The following CYP4X1 variants were observed in gnomAD, a reference collection of about 807,000 sequenced individuals.
CYP4X1 encodes cytochrome P450 family 4 subfamily X member 1, also known as cytochrome P450 4X1.
In CYP4X1, 44 loss-of-function variants were observed where a neutral mutation model predicts 57.9. The ratio of observed to expected loss-of-function variants is 0.76; its 90% CI spans 0.60 to 0.98. The LOEUF is 0.98. CYP4X1 is among the 50% of genes least tolerant of loss of function. CYP4X1 has a pLI of 0.00. For synonymous variants in CYP4X1, 227 were observed against 228.6 expected (o/e 0.99, Z 0.06); for missense variants, 532 against 623.9 (o/e 0.85, Z 1.57).
At chr1:47,049,770 T>C (rs531688107) in intron 11 of CYP4X1, among the ~76,000 whole-genome samples, 2 of 152,302 alleles carry the variant, frequency 1.3e-5, no homozygotes, top group Non-Finnish European at 2.9e-5. Context: ...AGAAATAATT[T>C]CATGAGTAAC....
intron 9 of CYP4X1, among the ~76,000 whole-genome samples, chr1:47,047,608 C>T (rs1297575767): frequency 2.6e-5 from 4 of 151,054 alleles, no homozygotes; most frequent in African/African-American, 4.9e-5. Context: ...TGTGTGTGTG[C>T]GTTTTCCTCT....
chr1:47,046,695 G>C, intron 9 of CYP4X1, 95 bp downstream of exon 9: 1 of 1,560,862 alleles, frequency 6.4e-7, no homozygotes, highest in Non-Finnish European at 8.7e-7. Context: ...ACTTGGAGAA[G>C]TCAAAAGATA....
the CYP4X1 span, among the ~76,000 whole-genome samples, chr1:46,992,758 T>C: frequency 1.3e-5 from 2 of 152,360 alleles, 1 homozygote; most frequent in South Asian, 4.1e-4. Flanking sequence ...CTTTTGGTTA[T>C]ATAGCCAGGT....
In CYP4X1 at chr1:47,049,503, A is replaced by T. The variant is rs767359529; in HGVS notation, c.1354A>T (p.Arg452Trp). Reference sequence around the variant, plus strand: ...CTACTTACCATTCTCAGCTGGATCAAGGTGAGAACAATTTGAAGTTGCTGA... The same window carrying T: ...CTACTTACCATTCTCAGCTGGATCATGGTGAGAACAATTTGAAGTTGCTGA... ...YAYLPFSAGS[R>W]NCIGQEFAMI... The change falls in exon 11 of 12, where the codon AGG becomes TGG. Residue 452 changes from arginine (R) to tryptophan (W), a missense_variant and splice_region_variant. Arg to Trp is a moderately radical substitution (Grantham distance 101). Coordinates refer to ENST00000371901, the MANE Select transcript of CYP4X1 (RefSeq NM_178033.2). 4.3e-6 allele frequency: 7 copies of T among 1,613,762 alleles called. No homozygotes were observed. Among genetic ancestry groups the T allele is most frequent in the Non-Finnish European group, 4.2e-6 (5 of 1,179,802 alleles).
Position 47,048,569 on chromosome 1 carries a change from C to T in CYP4X1, c.1212C>T (p.Ile404=), listed in dbSNP as rs745891826. ...TTTATTTCCCTCCTTTCTTAGGGAT[C>T]ACCGTGGTTCTTAGTATTTGGGGTC... ...FPDGCTLPAG[I]TVVLSIWGLH... The change falls in exon 10 of 12, where the codon ATC becomes ATT. Residue 404 remains isoleucine, a synonymous_variant. Coordinates refer to ENST00000371901, the MANE Select transcript of CYP4X1 (RefSeq NM_178033.2). The T allele has an allele frequency of 3.1e-6, 5 of 1,614,148 alleles. No individual in the cohort carries two copies. The Admixed American group carries it at 8.3e-5, about 27-fold the overall frequency.
chr1:47,031,857 CAT>C (rs1393280431), intron 3 of CYP4X1, among the ~76,000 whole-genome samples: 1 of 152,128 alleles, frequency 6.6e-6, no homozygotes, highest in Non-Finnish European at 1.5e-5. Context: ...GCTGGGCCAA[CAT>C]GGTGAAATCC....
intron 1 of CYP4X1, among the ~76,000 whole-genome samples, chr1:47,026,163 C>G (rs557946853): frequency 1.3e-5 from 2 of 152,234 alleles, no homozygotes; most frequent in African/African-American, 4.8e-5. Context: ...TGAATAACAC[C>G]TACTATTTGA....
the CYP4X1 span, among the ~76,000 whole-genome samples, chr1:46,973,561 G>A: frequency 6.6e-6 from 1 of 152,086 alleles, no homozygotes; most frequent in African/African-American, 2.4e-5. Flanking sequence ...CTGGTCTAGA[G>A]CTTTTTCTGG....
intron 6 of CYP4X1, among the ~76,000 whole-genome samples, chr1:47,036,372 A>T (rs573643649): frequency 2.1e-5 from 3 of 146,088 alleles, no homozygotes; most frequent in Non-Finnish European, 3.0e-5. Flanking sequence ...CAGAATTTTT[A>T]TATATATATA....
At chr1:47,022,201 A>G (rs1306459627), upstream of CYP4X1, among the ~76,000 whole-genome samples, 3 of 151,178 alleles carry the variant, frequency 2.0e-5, no homozygotes, top group Admixed American at 6.6e-5. Context: ...GAGCTGAAAC[A>G]CTTGCTGTGT....
intron 1 of CYP4X1, among the ~76,000 whole-genome samples, chr1:47,026,135 C>CA (rs892301023): frequency 7.3e-5 from 11 of 151,364 alleles, no homozygotes; most frequent in Admixed American, 3.9e-4. Context: ...TTAATGGGTA[C>CA]AAAAAAAATA....
the CYP4X1 span, among the ~76,000 whole-genome samples, chr1:47,003,394 G>C: frequency 6.6e-6 from 1 of 152,098 alleles, no homozygotes; most frequent in South Asian, 2.1e-4. Flanking sequence ...AGGAGCTACC[G>C]GTGTCAGAAA....
intron 1 of CYP4X1, 56 bp downstream of exon 1, chr1:47,024,050 A>G: frequency 1.3e-6 from 2 of 1,544,126 alleles, no homozygotes; most frequent in Non-Finnish European, 1.8e-6. Flanking sequence ...AGGATGCGGC[A>G]GAGGAGCCCA....
rs140462364 is a variant in CYP4X1 at position 47,025,193 on chromosome 1, A to G, written c.177+1199A>G. The stretch of plus-strand genomic sequence containing the variant: ...CTCTTAGTCCCTCTTCAACCCCCAG[A>G]ACTGATTGTTGAAAAGAGCCTGCCA... On this transcript the variant is annotated intron_variant, in intron 1 of 11. Coordinates refer to ENST00000371901, the MANE Select transcript of CYP4X1 (RefSeq NM_178033.2). Among the ~76,000 whole-genome samples the G allele has an allele frequency of 5.9e-3, 897 of 152,008 alleles. 6 individuals are homozygous for G. Among genetic ancestry groups the G allele is most frequent in the Middle Eastern group, 0.014 (4 of 294 alleles).
At chr1:47,012,204 A>C in the CYP4X1 span, among the ~76,000 whole-genome samples, 2,690 of 152,310 alleles carry the variant, frequency 0.018, 57 homozygotes, top group East Asian at 0.047. Context: ...TGTGGCACAT[A>C]TACACCATTG....
At chr1:47,011,910 C>T in the CYP4X1 span, among the ~76,000 whole-genome samples, 1 of 152,172 alleles carries the variant, frequency 6.6e-6, no homozygotes, top group Admixed American at 6.5e-5. Flanking sequence ...CAGGAAACAA[C>T]AGGTGCTGGA....
the CYP4X1 span, among the ~76,000 whole-genome samples, chr1:46,984,641 G>T: frequency 1.2e-4 from 19 of 152,098 alleles, no homozygotes; most frequent in Admixed American, 1.2e-3. Context: ...GGGAAGCCAT[G>T]GGGGGCTGTG....
chr1:46,991,292 A>G, the CYP4X1 span, among the ~76,000 whole-genome samples: 1 of 152,192 alleles, frequency 6.6e-6, no homozygotes, highest in Non-Finnish European at 1.5e-5. Context: ...TTTAATGACC[A>G]GTTGACATCA....
At chr1:47,031,380 T>A in intron 2 of CYP4X1, 56 bp from the exon 3 acceptor site, 3 of 1,595,112 alleles carry the variant, frequency 1.9e-6, no homozygotes, top group Non-Finnish European at 2.6e-6. Context: ...CAACTTGAAC[T>A]GATAATGAAT....
Sources: allele counts gnomAD v4.1 joint callset (sites outside exome capture counted in the v4.1 genomes callset), GRCh38; gene constraint gnomAD v4.1.1; transcripts MANE v1.5; gene names NCBI Gene and HGNC (gene_info 2026-07-23, HGNC 2026-07-21).